The following ST18 variants were observed in gnomAD, a reference collection of about 807,000 sequenced individuals.
The protein encoded by ST18 is suppression of tumorigenicity 18 protein.
ST18 carries 50 observed loss-of-function variants against 110.0 expected under a neutral mutation model. The observed-to-expected ratio is 0.45, with a 90% CI of 0.36 to 0.58. ST18 has a LOEUF of 0.58. ST18 is among the 20% of genes least tolerant of loss of function. ST18 has a pLI of 0.00. For synonymous variants in ST18, 461 were observed against 452.4 expected (o/e 1.02, Z -0.24); for missense variants, 1,306 against 1,280.1 (o/e 1.02, Z -0.31).
At chr8:52,377,013 G>A (rs1484855268) in intron 2 of ST18, among the ~76,000 whole-genome samples, 1 of 152,126 alleles carries the variant, frequency 6.6e-6, no homozygotes, top group Non-Finnish European at 1.5e-5. Context: ...TAACACTGAT[G>A]CCCTCTTATG....
intron 2 of ST18, among the ~76,000 whole-genome samples, chr8:52,272,113 CA>C (rs1333030178): frequency 6.6e-6 from 1 of 152,004 alleles, no homozygotes; most frequent in Non-Finnish European, 1.5e-5. Context: ...TAGAAGAAAA[CA>C]AAGGGGAAAA....
intron 2 of ST18, among the ~76,000 whole-genome samples, chr8:52,282,521 C>T (rs991560075): frequency 6.6e-6 from 1 of 152,258 alleles, no homozygotes; most frequent in Admixed American, 6.5e-5. Flanking sequence ...AGGATAGCCC[C>T]ACCAGGGGTG....
In ST18 at chr8:52,138,312, G is replaced by A. The variant is rs547927765; in HGVS notation, c.2169-829C>T. 2.3e-4 allele frequency among the ~76,000 whole-genome samples: 35 copies of A among 152,166 alleles called. 3 individuals are homozygous for A. In the South Asian group the frequency reaches 6.2e-3, roughly 27 times the overall value. On this transcript the variant is annotated intron_variant, in intron 17 of 25. Transcript: ENST00000689386. ...CACTGAAAATCTTTGACTAATTAGC[G>A]AAGACAATTGCTAATTCACCATTAG...
At chr8:52,388,090 C>A (rs190651469) in intron 2 of ST18, among the ~76,000 whole-genome samples, 1 of 152,020 alleles carries the variant, frequency 6.6e-6, no homozygotes, top group African/African-American at 2.4e-5. Flanking sequence ...TTTGCTGTAA[C>A]GCTTGTTTCG....
chr8:52,150,747 A>C (rs1407938958), intron 15 of ST18: 2 of 152,220 alleles, frequency 1.3e-5, no homozygotes, highest in Non-Finnish European at 2.9e-5. Flanking sequence ...TTAAAACTAA[A>C]TCCACCGCAC....
intron 2 of ST18, among the ~76,000 whole-genome samples, chr8:52,322,190 AG>A (rs1218793720): frequency 6.6e-6 from 1 of 152,210 alleles, no homozygotes; most frequent in Non-Finnish European, 1.5e-5. Flanking sequence ...ATGGAAGGCA[AG>A]GAGGAGGGAG....
chr8:52,177,818 G>A (rs1458319648), intron 9 of ST18, among the ~76,000 whole-genome samples: 1 of 151,894 alleles, frequency 6.6e-6, no homozygotes, highest in African/African-American at 2.4e-5. Flanking sequence ...AATCTCTTTG[G>A]TCCCCAATGA....
intron 2 of ST18, among the ~76,000 whole-genome samples, chr8:52,365,885 A>C (rs1193676872): frequency 5.4e-5 from 8 of 147,776 alleles, no homozygotes; most frequent in South Asian, 2.1e-4. Context: ...TTTTTTGTAG[A>C]GATAGGGGTC....
chr8:52,388,669 G>A (rs943194906), intron 2 of ST18, among the ~76,000 whole-genome samples: 1 of 151,928 alleles, frequency 6.6e-6, no homozygotes, highest in Non-Finnish European at 1.5e-5. Flanking sequence ...GAAGGGAATA[G>A]CGTAGGAAAG....
Position 52,262,219 on chromosome 8 carries a change from G to C in ST18, c.-464-32142C>G, listed in dbSNP as rs1484490303. On this transcript the variant is annotated intron_variant, in intron 2 of 25. Transcript: ENST00000689386. ...ATGGAGTTAATCCATTTATGGGGGT[G>C]GAGCCCTAATGATCCAATTGCCTCT... 6.6e-5 allele frequency among the ~76,000 whole-genome samples: 10 copies of C among 152,328 alleles called. No homozygotes were observed. The East Asian group carries it at 1.7e-3, about 26-fold the overall frequency.
chr8:52,285,489 G>A (rs2095455081), intron 2 of ST18, among the ~76,000 whole-genome samples: 1 of 152,166 alleles, frequency 6.6e-6, no homozygotes, highest in Non-Finnish European at 1.5e-5. Context: ...CCTAAAGCAA[G>A]AAGTCAGATG....
rs577927443 is a variant in ST18 at position 52,370,260 on chromosome 8, G to A, written c.-465+39068C>T. On this transcript the variant is annotated intron_variant, in intron 2 of 25. Coordinates refer to ENST00000689386, the MANE Select transcript of ST18 (RefSeq NM_001352837.2). ...GACGACCAAGACAAGGTAAACAAAG[G>A]GCCAAAGTAGGTTAAGCTCTAATAT... Among the ~76,000 whole-genome samples the A allele has an allele frequency of 2.6e-5, 4 of 152,264 alleles. No individual in the cohort carries two copies. The East Asian group carries it at 5.8e-4, about 22-fold the overall frequency.
chr8:52,223,086 G>C (rs988925070), intron 3 of ST18, among the ~76,000 whole-genome samples: 1 of 152,172 alleles, frequency 6.6e-6, no homozygotes, highest in Non-Finnish European at 1.5e-5. Flanking sequence ...GTTAAATAAA[G>C]TCATCACGAA....
chr8:52,163,053 C>G (rs2061878910), intron 13 of ST18, among the ~76,000 whole-genome samples: 1 of 152,136 alleles, frequency 6.6e-6, no homozygotes, highest in Admixed American at 6.5e-5. Context: ...ATTCAATATT[C>G]TTTCTATATT....
In ST18 at chr8:52,409,540, G is replaced by GA. The variant is rs34136709; in HGVS notation, c.-590+7dup. Reference sequence around the variant, plus strand: ...AGCTACACAAATGCCAAGCCAATGTGATAGCACCTTCCACAACTCTGCCAG... The same window carrying GA: ...AGCTACACAAATGCCAAGCCAATGTGAATAGCACCTTCCACAACTCTGCCAG... On this transcript the variant is annotated splice_region_variant and intron_variant, in intron 1 of 25. Coordinates refer to ENST00000689386, the MANE Select transcript of ST18 (RefSeq NM_001352837.2). 92,875 of 152,088 alleles carry GA rather than the reference G, an allele frequency of 0.61. 29,553 individuals are homozygous for GA. Among genetic ancestry groups the GA allele is most frequent in the Non-Finnish European group, 0.68 (46,560 of 67,980 alleles). 9.4% of individuals were successfully genotyped at this position (152,088 alleles called of 1,614,324 possible).
intron 6 of ST18, among the ~76,000 whole-genome samples, chr8:52,216,740 T>C (rs2084385505): frequency 6.6e-6 from 1 of 152,218 alleles, no homozygotes; most frequent in Non-Finnish European, 1.5e-5. Flanking sequence ...GAGTAGATAT[T>C]TTAAGTATTC....
intron 2 of ST18, among the ~76,000 whole-genome samples, chr8:52,292,124 A>C (rs537506880): frequency 1.3e-5 from 2 of 152,346 alleles, no homozygotes; most frequent in East Asian, 3.9e-4. Flanking sequence ...TCTTTGAGAA[A>C]ATATATTTAA....
chr8:52,235,193 T>A (rs997941193), intron 2 of ST18, among the ~76,000 whole-genome samples: 26 of 151,774 alleles, frequency 1.7e-4, no homozygotes, highest in Non-Finnish European at 2.9e-4. Flanking sequence ...AAATAAAAAA[T>A]AAAAAAAAGA....
chr8:52,138,717 C>T (rs2053555089), intron 17 of ST18, among the ~76,000 whole-genome samples: 1 of 152,158 alleles, frequency 6.6e-6, no homozygotes, highest in Non-Finnish European at 1.5e-5. Flanking sequence ...TTGTAATAAG[C>T]AGGTGGACCC....
Sources: gnomAD v4.1 joint callset for allele counts (sites outside exome capture counted in the v4.1 genomes callset) on GRCh38, gnomAD v4.1.1 for gene constraint, MANE v1.5 for transcripts, NCBI Gene and HGNC (gene_info 2026-07-23, HGNC 2026-07-21) for gene names.